GPRC6A: variants seen among roughly 807,000 people sequenced by gnomAD.
GPRC6A encodes G protein-coupled receptor family C group 6 member A.
In GPRC6A, 54 loss-of-function variants were observed where a neutral mutation model predicts 47.0. The observed-to-expected ratio is 1.15, with a 90% CI of 0.92 to 1.44. The LOEUF is 1.44. Ranked by LOEUF, GPRC6A falls within the 40% of genes most tolerant of loss-of-function variation. The pLI is 0.00. For synonymous variants in GPRC6A, 347 were observed against 377.1 expected (o/e 0.92, Z 0.93); for missense variants, 1,112 against 1,105.5 (o/e 1.01, Z -0.08).
intron 5 of GPRC6A, among the ~76,000 whole-genome samples, chr6:116,794,572 G>A (rs1436413142): frequency 6.6e-6 from 1 of 152,188 alleles, no homozygotes; most frequent in South Asian, 2.1e-4. Flanking sequence ...AAAGGGTCCC[G>A]TACGTCTTTA....
intron 3 of GPRC6A, 59 bp downstream of exon 3, chr6:116,806,311 A>C (rs558967836): frequency 1.9e-5 from 20 of 1,062,554 alleles, no homozygotes; most frequent in Non-Finnish European, 2.8e-5. Context: ...AATTAAAACA[A>C]GGGAGGAAAT....
chr6:116,820,729 A>T (rs1246634520), intron 1 of GPRC6A, among the ~76,000 whole-genome samples: 4 of 151,884 alleles, frequency 2.6e-5, no homozygotes, highest in Non-Finnish European at 2.9e-5. Flanking sequence ...AGAGCTATCT[A>T]TGACAAACCC....
At chr6:116,820,533 G>A (rs926890508) in intron 1 of GPRC6A, among the ~76,000 whole-genome samples, 1 of 149,872 alleles carries the variant, frequency 6.7e-6, no homozygotes, top group African/African-American at 2.5e-5. Flanking sequence ...CTTCATCCCT[G>A]GGATGCAAGG....
intron 1 of GPRC6A, among the ~76,000 whole-genome samples, chr6:116,818,774 C>G (rs186502856): frequency 1.3e-5 from 2 of 151,438 alleles, no homozygotes; most frequent in African/African-American, 4.8e-5. Context: ...TAAAGACCAT[C>G]GAGACTAGGA....
chr6:116,809,654 A>C, intron 1 of GPRC6A, 37 bp from the exon 2 acceptor site: 1 of 1,465,986 alleles, frequency 6.8e-7, no homozygotes, highest in Non-Finnish European at 9.4e-7. Context: ...ATCAGAACAT[A>C]ACTCTTCTAT....
chr6:116,817,074 T>C (rs2114611325), intron 1 of GPRC6A, among the ~76,000 whole-genome samples: 1 of 152,252 alleles, frequency 6.6e-6, no homozygotes, highest in Middle Eastern at 3.4e-3. Context: ...AGGCTCCACC[T>C]CTGGGGGCAG....
intron 1 of GPRC6A, among the ~76,000 whole-genome samples, chr6:116,812,260 A>G (rs539198400): frequency 1.0e-3 from 158 of 152,320 alleles, no homozygotes; most frequent in African/African-American, 3.6e-3. Context: ...CAAGGATACT[A>G]TATCCAGAAA....
Position 116,806,576 on chromosome 6 carries a change from A to G in GPRC6A, c.1129T>C (p.Phe377Leu). 1 of 1,613,632 alleles carries G rather than the reference A, an allele frequency of 6.2e-7. No individual in the cohort carries two copies. Among genetic ancestry groups the G allele is most frequent in the Non-Finnish European group, 8.5e-7 (1 of 1,179,768 alleles). ...VKDTDLSQCI[F>L]NHSQRTLAYK... Reference sequence around the variant, plus strand: ...GCCAAAGTCCTTTGAGAATGATTGAATATGCATTGACTCAAATCAGTGTCC... The same window carrying G: ...GCCAAAGTCCTTTGAGAATGATTGAGTATGCATTGACTCAAATCAGTGTCC... Residue 377 changes from phenylalanine (F) to leucine (L), a missense_variant, in exon 3 of 6, where the codon TTC (phenylalanine) becomes CTC (leucine). Physicochemically the swap from Phe to Leu is conservative, Grantham distance 22. Coordinates refer to ENST00000310357, the MANE Select transcript of GPRC6A (RefSeq NM_148963.4).
At chr6:116,817,934 G>A (rs1287231166) in intron 1 of GPRC6A, among the ~76,000 whole-genome samples, 4 of 151,802 alleles carry the variant, frequency 2.6e-5, no homozygotes, top group African/African-American at 9.7e-5. Flanking sequence ...TGGGGAGAAT[G>A]GAACCAAGTT....
rs201413211 is a variant in GPRC6A at position 116,807,146 on chromosome 6, G to A, written c.559C>T (p.Arg187Trp). 6.8e-5 allele frequency: 109 copies of A among 1,613,316 alleles called. No individual in the cohort carries two copies. In the Admixed American group the frequency reaches 1.4e-3, roughly 20 times the overall value. Reference protein sequence around the residue: ...SDKIRFPSFLRTVPSDFHQIK... With the variant: ...SDKIRFPSFLWTVPSDFHQIK... ...TGATGGAAGTCACTGGGCACAGTCC[G>A]TAAAAATGAAGGAAAGCGAATTTTG... is the stretch of plus-strand genomic sequence containing the variant. The change falls in exon 3 of 6, where the codon CGG (arginine) becomes TGG (tryptophan). Residue 187 changes from arginine to tryptophan, a missense_variant. Coordinates refer to ENST00000310357, the MANE Select transcript of GPRC6A (RefSeq NM_148963.4).
At chr6:116,823,034 C>G (rs1009008173) in intron 1 of GPRC6A, among the ~76,000 whole-genome samples, 2 of 152,058 alleles carry the variant, frequency 1.3e-5, no homozygotes, top group Admixed American at 1.3e-4. Context: ...CATTCAACTT[C>G]TCTTTATTTA....
chr6:116,801,521 C>A (rs1376002586), intron 3 of GPRC6A, among the ~76,000 whole-genome samples: 1 of 151,992 alleles, frequency 6.6e-6, no homozygotes, highest in East Asian at 1.9e-4. Flanking sequence ...CATAATGGCC[C>A]ATTTATTATC....
intron 5 of GPRC6A, 135 bp downstream of exon 5, chr6:116,795,577 G>T: frequency 1.6e-6 from 1 of 630,596 alleles, no homozygotes; most frequent in Non-Finnish European, 2.5e-6. Context: ...AAATTTCACT[G>T]GAATTTAATT....
chr6:116,810,212 A>C (rs1772981456), intron 1 of GPRC6A, among the ~76,000 whole-genome samples: 1 of 152,296 alleles, frequency 6.6e-6, no homozygotes, highest in East Asian at 1.9e-4. Flanking sequence ...AGTTTATTTC[A>C]TCCACCACTA....
In GPRC6A at chr6:116,804,008, C is replaced by G. The variant is rs567330856; in HGVS notation, c.1335+2362G>C. 2.0e-5 allele frequency among the ~76,000 whole-genome samples: 3 copies of G among 152,150 alleles called. No individual in the cohort carries two copies. In the South Asian group the frequency reaches 6.2e-4, roughly 32 times the overall value. ...TGTTCTCCGTAATATCTTCACCACT[C>G]AACACACTGCCTGAAACATTGAGAC... On this transcript the variant is annotated intron_variant, in intron 3 of 5. Transcript: ENST00000310357.
intron 4 of GPRC6A, among the ~76,000 whole-genome samples, chr6:116,799,604 A>G (rs73559551): frequency 0.028 from 4,283 of 152,308 alleles, 158 homozygotes; most frequent in African/African-American, 0.086. Context: ...AAAAGAGTAT[A>G]GGAGGAGAGA....
At chr6:116,808,091 A>G (rs1772912061) in intron 2 of GPRC6A, among the ~76,000 whole-genome samples, 1 of 152,008 alleles carries the variant, frequency 6.6e-6, no homozygotes, top group East Asian at 1.9e-4. Context: ...CCCAACTCCA[A>G]TAAATTTGGG....
intron 1 of GPRC6A, among the ~76,000 whole-genome samples, chr6:116,812,273 T>G (rs1773051658): frequency 6.6e-6 from 1 of 152,096 alleles, no homozygotes; most frequent in Non-Finnish European, 1.5e-5. Flanking sequence ...TCCAGAAAAC[T>G]TATCCTTCAT....
chr6:116,822,766 C>T (rs947610176), intron 1 of GPRC6A, among the ~76,000 whole-genome samples: 47 of 148,978 alleles, frequency 3.2e-4, no homozygotes, highest in African/African-American at 8.7e-4. Context: ...TGCTAGATGA[C>T]GAGTTAGTGG....
Sources: allele counts gnomAD v4.1 joint callset (sites outside exome capture counted in the v4.1 genomes callset), GRCh38; gene constraint gnomAD v4.1.1; transcripts MANE v1.5; gene names NCBI Gene and HGNC (gene_info 2026-07-23, HGNC 2026-07-21).